The following CHST11 variants were observed in gnomAD, a reference collection of about 807,000 sequenced individuals.
CHST11 encodes C4S-1.
In CHST11, 9 loss-of-function variants were observed where a neutral mutation model predicts 30.4. The observed-to-expected ratio is 0.30, with a 90% CI of 0.18 to 0.52. The LOEUF is 0.52. CHST11 is among the 20% of genes least tolerant of loss of function. The pLI, the probability that CHST11 is intolerant of heterozygous loss-of-function variation, is 0.97. For synonymous variants in CHST11, 152 were observed against 187.8 expected, an observed-to-expected ratio of 0.81 and a Z score of 1.56; for missense variants, 348 against 460.6, an observed-to-expected ratio of 0.76 and a Z score of 2.24.
rs185044351 is a variant in CHST11, at chr12:104,612,415, C to T, written c.204+10424C>T. On this transcript the variant is annotated intron_variant, in intron 2 of 2. Coordinates refer to ENST00000303694, the MANE Select transcript of CHST11 (RefSeq NM_018413.6). ...ACATGGTGCTCCCCCTGTGTGGGTG[C>T]CTGGCTTTGTGTCCACATTTCCCCT... Among the ~76,000 whole-genome samples, 227 of 152,310 alleles carry T rather than the reference C, an allele frequency of 1.5e-3. 1 individual carries two copies. The highest frequency in any genetic ancestry group is 4.7e-3 in the African/African-American group (195 of 41,572).
chr12:104,595,910 T>A (rs1051444531), intron 1 of CHST11, among the ~76,000 whole-genome samples: 1 of 152,208 alleles, frequency 6.6e-6, no homozygotes, highest in Admixed American at 6.5e-5. Context: ...GAGCAACTCA[T>A]CTTGGTTTGC....
chr12:104,668,337 G>A (rs1190848024), intron 2 of CHST11, among the ~76,000 whole-genome samples: 1 of 152,176 alleles, frequency 6.6e-6, no homozygotes, highest in African/African-American at 2.4e-5. Flanking sequence ...AGTAGATTAT[G>A]TCATTATCCA....
chr12:104,537,675 C>G (rs75720623), intron 1 of CHST11, among the ~76,000 whole-genome samples: 5,447 of 150,552 alleles, frequency 0.036, 355 homozygotes, highest in African/African-American at 0.13. Flanking sequence ...TTCATCTGCT[C>G]CTCCCAGTAC....
At chr12:104,658,289 C>T (rs528547676) in intron 2 of CHST11, among the ~76,000 whole-genome samples, 6 of 152,340 alleles carry the variant, frequency 3.9e-5, no homozygotes, top group Admixed American at 2.0e-4. Context: ...GGTTTCTTCT[C>T]AGGCCATGAG....
In CHST11 at chr12:104,757,950, C is replaced by G; in HGVS notation, c.*147C>G. The G allele has an allele frequency of 1.1e-6, 1 of 908,376 alleles. No individual in the cohort carries two copies. The highest frequency in any genetic ancestry group is 1.6e-6 in the Non-Finnish European group (1 of 619,838). The allele number at this position is 908,376 out of a possible 1,614,324, so 56.3% of individuals were successfully genotyped here. Reference sequence around the variant, plus strand: ...AGCATAGTGAGAATTATTTAAAATCCTTCGTAGGGAAGGACAGCTGTCTTT... The same window carrying G: ...AGCATAGTGAGAATTATTTAAAATCGTTCGTAGGGAAGGACAGCTGTCTTT... On this transcript the variant is annotated 3_prime_UTR_variant, in exon 3 of 3. Transcript: ENST00000303694. This position sits in a 1 kb window ranked among gnomAD's most constrained non-coding sequence, Gnocchi z 6.5.
intron 1 of CHST11, among the ~76,000 whole-genome samples, chr12:104,579,294 T>G (rs962612322): frequency 2.6e-5 from 4 of 152,194 alleles, no homozygotes; most frequent in Non-Finnish European, 5.9e-5. Context: ...AGACTAGACT[T>G]GGGTCCAATT....
At chr12:104,691,901 T>C (rs974027288) in intron 2 of CHST11, among the ~76,000 whole-genome samples, 1 of 152,180 alleles carries the variant, frequency 6.6e-6, no homozygotes, top group Non-Finnish European at 1.5e-5. Flanking sequence ...GCTTGGTACT[T>C]GGATGTGTGA....
At chr12:104,574,483 G>T (rs964370909) in intron 1 of CHST11, among the ~76,000 whole-genome samples, 3 of 152,156 alleles carry the variant, frequency 2.0e-5, no homozygotes, top group African/African-American at 7.2e-5. Flanking sequence ...TGATAGACTG[G>T]ATTAAGAAAA....
At chr12:104,752,185 G>A (rs2040437033) in intron 2 of CHST11, among the ~76,000 whole-genome samples, 1 of 152,130 alleles carries the variant, frequency 6.6e-6, no homozygotes, top group Non-Finnish European at 1.5e-5. Flanking sequence ...GCTGCTGGTG[G>A]TGGCCGGCAG....
chr12:104,489,256 C>T lies in CHST11; in HGVS notation c.118+31727C>T, dbSNP rs143758970. 2.2e-3 allele frequency among the ~76,000 whole-genome samples: 331 copies of T among 152,092 alleles called. 2 individuals carry two copies. The highest frequency in any genetic ancestry group is 7.4e-3 in the African/African-American group (306 of 41,482). ...TTCACCATGTTGGCCATGCTGGTCT[C>T]GGACTCCTGACCTCAGGTGATCTGC... is the stretch of plus-strand genomic sequence containing the variant. On this transcript the variant is annotated intron_variant, in intron 1 of 2. Transcript: ENST00000303694.
chr12:104,616,883 G>A (rs1366204162), intron 2 of CHST11, among the ~76,000 whole-genome samples: 1 of 152,198 alleles, frequency 6.6e-6, no homozygotes, highest in African/African-American at 2.4e-5. Context: ...CAAAGGACGA[G>A]TGGTCCCAGA....
intron 1 of CHST11, among the ~76,000 whole-genome samples, chr12:104,595,740 C>T (rs2038901554): frequency 6.6e-6 from 1 of 152,152 alleles, no homozygotes; most frequent in South Asian, 2.1e-4. Flanking sequence ...CATTTCATTC[C>T]CACTACCACC....
intron 2 of CHST11, among the ~76,000 whole-genome samples, chr12:104,702,970 G>A (rs1462654215): frequency 1.3e-5 from 2 of 152,138 alleles, no homozygotes; most frequent in Non-Finnish European, 2.9e-5. Flanking sequence ...GACGGCAGGC[G>A]TGTGGTCACC....
intron 1 of CHST11, among the ~76,000 whole-genome samples, chr12:104,529,494 A>G (rs1389818919): frequency 6.6e-6 from 1 of 152,206 alleles, no homozygotes; most frequent in Non-Finnish European, 1.5e-5. Flanking sequence ...GCCCCAAATA[A>G]TGATGACTTT....
chr12:104,649,794 C>T (rs886326944), intron 2 of CHST11, among the ~76,000 whole-genome samples: 13 of 152,162 alleles, frequency 8.5e-5, no homozygotes, highest in Non-Finnish European at 4.4e-5. Flanking sequence ...GAAAAGATCC[C>T]TTGAAATAAT....
At chr12:104,659,513 C>T (rs1039830263) in intron 2 of CHST11, among the ~76,000 whole-genome samples, 3 of 152,030 alleles carry the variant, frequency 2.0e-5, no homozygotes, top group Admixed American at 1.3e-4. Flanking sequence ...TGAAATGTGG[C>T]GAGTGTGAAT....
intron 1 of CHST11, among the ~76,000 whole-genome samples, chr12:104,503,302 A>G (rs2037870252): frequency 6.6e-6 from 1 of 152,202 alleles, no homozygotes; most frequent in African/African-American, 2.4e-5. Context: ...AGATGGTAGG[A>G]GTATGTCCAT....
chr12:104,507,450 G>A (rs1372731591), intron 1 of CHST11, among the ~76,000 whole-genome samples: 1 of 152,334 alleles, frequency 6.6e-6, no homozygotes, highest in African/African-American at 2.4e-5. Context: ...TCAGATTGCT[G>A]CTTTTGCTAG....
At chr12:104,626,708 T>A (rs1453159274) in intron 2 of CHST11, among the ~76,000 whole-genome samples, 1 of 152,072 alleles carries the variant, frequency 6.6e-6, no homozygotes, top group Non-Finnish European at 1.5e-5. Flanking sequence ...TTTTTTTTTT[T>A]AGAGCAGTTT....
Sources: gnomAD v4.1 joint callset for allele counts (sites outside exome capture counted in the v4.1 genomes callset) on GRCh38, gnomAD v4.1.1 for gene constraint, Gnocchi (gnomAD v3.1) non-coding constraint, MANE v1.5 for transcripts, NCBI Gene and HGNC (gene_info 2026-07-23, HGNC 2026-07-21) for gene names.